Variants in SLC36A2 observed in about 807,000 individuals in gnomAD.
SLC36A2 encodes the protein proton-coupled amino acid transporter 2.
Under a neutral mutation model 42.7 loss-of-function variants are expected in SLC36A2, and 39 were observed. The observed-to-expected ratio is 0.91, with a 90% CI of 0.71 to 1.19. The LOEUF (loss-of-function observed/expected upper bound fraction) is 1.19. Ranked by LOEUF, SLC36A2 falls within the 50% of genes most tolerant of loss-of-function variation. The pLI is 0.00. For missense variants in SLC36A2, 590 were observed against 613.7 expected (o/e 0.96, Z 0.41); for synonymous variants, 237 against 240.8 (o/e 0.98, Z 0.15).
chr5:151,329,162 A>T (rs246491), intron 7 of SLC36A2, among the ~76,000 whole-genome samples: 1 of 152,092 alleles, frequency 6.6e-6, no homozygotes, highest in Non-Finnish European at 1.5e-5. Flanking sequence ...AAGGCTTTGA[A>T]AACTGAACTA....
chr5:151,331,512 T>A (rs980844487), intron 7 of SLC36A2, among the ~76,000 whole-genome samples: 4 of 151,540 alleles, frequency 2.6e-5, no homozygotes, highest in Non-Finnish European at 5.9e-5. Context: ...AGAGACAGGG[T>A]CTCTGTATGT....
intron 9 of SLC36A2, among the ~76,000 whole-genome samples, chr5:151,317,537 C>T (rs1448757255): frequency 6.6e-6 from 1 of 151,714 alleles, no homozygotes; most frequent in Admixed American, 6.6e-5. Context: ...AGTTAAAAGT[C>T]CTCCAATATC....
chr5:151,325,497 CA>C, intron 7 of SLC36A2, 45 bp from the exon 8 acceptor site: 1 of 1,604,526 alleles, frequency 6.2e-7, no homozygotes. Context: ...GTAACATGAA[CA>C]AAAAGAAAAA....
At chr5:151,320,437 T>G (rs2127283988) in intron 9 of SLC36A2, among the ~76,000 whole-genome samples, 1 of 151,662 alleles carries the variant, frequency 6.6e-6, no homozygotes, top group East Asian at 1.9e-4. Flanking sequence ...GACAGATGAA[T>G]GGATAAAGAA....
intron 7 of SLC36A2, among the ~76,000 whole-genome samples, chr5:151,327,220 C>G (rs1231965486): frequency 1.3e-5 from 2 of 152,078 alleles, no homozygotes; most frequent in East Asian, 3.9e-4. Flanking sequence ...AAGACCGTAA[C>G]TCTATGAAGT....
chr5:151,338,856 T>C (rs1190960324), intron 5 of SLC36A2: 1 of 479,064 alleles, frequency 2.1e-6, no homozygotes. Flanking sequence ...AGGTCTAAGA[T>C]ACCGGATAAA....
At chr5:151,331,948 C>A (rs1756007485) in intron 7 of SLC36A2, among the ~76,000 whole-genome samples, 1 of 152,092 alleles carries the variant, frequency 6.6e-6, no homozygotes, top group South Asian at 2.1e-4. Flanking sequence ...CTCACTGCAA[C>A]TTCCGCTTCC....
intron 5 of SLC36A2, among the ~76,000 whole-genome samples, chr5:151,337,241 C>T (rs770811329): frequency 2.0e-5 from 3 of 152,126 alleles, no homozygotes; most frequent in Admixed American, 6.6e-5. Flanking sequence ...ATGTTCCTGC[C>T]TCCCGGTTTT....
At chr5:151,322,547 C>T (rs2127285924) in intron 8 of SLC36A2, among the ~76,000 whole-genome samples, 1 of 152,316 alleles carries the variant, frequency 6.6e-6, no homozygotes, top group Non-Finnish European at 1.5e-5. Flanking sequence ...CAGGCTCAGG[C>T]CAGATACTTT....
At chr5:151,324,473 C>G (rs1407377000) in intron 8 of SLC36A2, among the ~76,000 whole-genome samples, 2 of 152,146 alleles carry the variant, frequency 1.3e-5, no homozygotes, top group African/African-American at 4.8e-5. Flanking sequence ...GCTGGGATTA[C>G]AGGCACCCAC....
At chr5:151,345,717 C>G (rs1259276446) in intron 1 of SLC36A2, among the ~76,000 whole-genome samples, 1 of 152,164 alleles carries the variant, frequency 6.6e-6, no homozygotes, top group East Asian at 1.9e-4. Context: ...CTTAGGAAAT[C>G]AGAATTTAAC....
rs566170633 is a variant in SLC36A2 at position 151,319,202 on chromosome 5, C to T, written c.1181-2114G>A. ...TTGCTATTACTCCAAGTTATTTACT[C>T]ATACATGCTAATTGACAATGCATGA... On this transcript the variant is annotated intron_variant, in intron 9 of 9. Transcript: ENST00000335244. The T allele has an allele frequency of 1.7e-4, 140 of 827,908 alleles. No homozygotes were observed. The African/African-American group carries it at 2.5e-3, about 15-fold the overall frequency. 51.3% of individuals were successfully genotyped at this position (827,908 alleles called of 1,614,324 possible).
intron 4 of SLC36A2, 57 bp downstream of exon 4, chr5:151,342,831 G>T: frequency 1.4e-6 from 2 of 1,438,794 alleles, no homozygotes; most frequent in Non-Finnish European, 2.0e-6. Flanking sequence ...CACCCTGATA[G>T]CAGCATTTTC....
At position 151,343,561 on chromosome 5, in the gene SLC36A2, G is replaced by A. The variant is rs1254893915; in HGVS notation, c.293C>T (p.Ala98Val). The A allele has an allele frequency of 1.9e-6, 3 of 1,614,072 alleles. No individual in the cohort carries two copies. Among genetic ancestry groups the A allele is most frequent in the African/African-American group, 1.3e-5 (1 of 74,924 alleles). ...GACCAGGATGTGCATACAGTGGCAGGCAATGAAGCCCATCACCAGCAGACT... is the reference window on the plus strand; with the variant it reads ...GACCAGGATGTGCATACAGTGGCAGACAATGAAGCCCATCACCAGCAGACT... The part of the protein sequence containing the change: ...PLSLLVMGFI[A>V]CHCMHILVKC... The change falls in exon 3 of 10, where the codon GCC becomes GTC. Residue 98 changes from alanine (A) to valine (V), a missense_variant. Transcript: ENST00000335244.
intron 5 of SLC36A2, among the ~76,000 whole-genome samples, chr5:151,337,790 G>A (rs1756202258): frequency 6.6e-6 from 1 of 152,174 alleles, no homozygotes; most frequent in Non-Finnish European, 1.5e-5. Flanking sequence ...CAATCTGTGT[G>A]ATGGAATATT....
intron 5 of SLC36A2, among the ~76,000 whole-genome samples, chr5:151,336,736 A>G (rs958700126): frequency 9.2e-5 from 13 of 141,142 alleles, no homozygotes; most frequent in Middle Eastern, 3.6e-3. Flanking sequence ...AGTCAGGGGT[A>G]GGTGGATGCT....
chr5:151,324,306 C>CTTGCTTAT (rs368243458), intron 8 of SLC36A2, among the ~76,000 whole-genome samples: 2 of 140,820 alleles, frequency 1.4e-5, no homozygotes, highest in East Asian at 2.2e-4. Flanking sequence ...CCATGCCTGG[C>CTTGCTTAT]TTATTTATTT....
Position 151,335,532 on chromosome 5 carries a change from T to G in SLC36A2, c.541A>C (p.Asn181His). Residue 181 changes from asparagine (N) to histidine (H), a missense_variant, in exon 6 of 10, where the codon AAT (asparagine) becomes CAT (histidine). Asn to His is a moderately conservative substitution (Grantham distance 68, BLOSUM62 1). Transcript: ENST00000335244. ...GAATAGCAGTTGTTGGTTGTGCTAT[T>G]AACAGCTTCCACTACCTGAGGAAGG... ...DNLKQVVEAVNSTTNNCYSNE... is the reference protein window; with the variant it reads ...DNLKQVVEAVHSTTNNCYSNE... The G allele has an allele frequency of 6.2e-7, 1 of 1,613,842 alleles. No individual in the cohort carries two copies. Among genetic ancestry groups the G allele is most frequent in the East Asian group, 2.2e-5 (1 of 44,880 alleles).
At chr5:151,325,520 T>A in intron 7 of SLC36A2, 68 bp from the exon 8 acceptor site, 1 of 1,510,738 alleles carries the variant, frequency 6.6e-7, no homozygotes. Flanking sequence ...GGCATTCCAC[T>A]TCTGGATGTC....
Sources: gnomAD v4.1 joint callset for allele counts (sites outside exome capture counted in the v4.1 genomes callset) on GRCh38, gnomAD v4.1.1 for gene constraint, MANE v1.5 for transcripts, NCBI Gene and HGNC (gene_info 2026-07-23, HGNC 2026-07-21) for gene names.